The following ADK variants were observed in gnomAD, a reference collection of about 807,000 sequenced individuals.
The protein encoded by ADK is N6,N6-dimethyladenosine kinase.
ADK carries 24 observed loss-of-function variants against 44.7 expected under a neutral mutation model. The observed-to-expected ratio is 0.54, with a 90% CI of 0.39 to 0.76. The LOEUF (loss-of-function observed/expected upper bound fraction) is 0.76, where lower values mean the gene tolerates loss of function less well. Among genes scored for constraint, ADK ranks in the 30% least tolerant of loss-of-function variants. ADK has a pLI of 0.00. For synonymous variants in ADK, 128 were observed against 142.6 expected (o/e 0.90, Z 0.73); for missense variants, 321 against 425.1 (o/e 0.76, Z 2.15).
At chr10:74,472,425 G>T (rs895838476) in intron 6 of ADK, among the ~76,000 whole-genome samples, 1 of 151,948 alleles carries the variant, frequency 6.6e-6, no homozygotes, top group African/African-American at 2.4e-5. Context: ...ATCTAGTTGT[G>T]ATGTCTGATA....
intron 4 of ADK, among the ~76,000 whole-genome samples, chr10:74,372,951 C>G (rs1156351606): frequency 6.6e-6 from 1 of 152,044 alleles, no homozygotes; most frequent in Non-Finnish European, 1.5e-5. Context: ...TATGATGAAG[C>G]CATACCAATA....
At chr10:74,246,973 A>C (rs1845436666) in intron 3 of ADK, among the ~76,000 whole-genome samples, 1 of 151,908 alleles carries the variant, frequency 6.6e-6, no homozygotes, top group African/African-American at 2.4e-5. Flanking sequence ...GTTATATTTT[A>C]ACTTCTAATA....
chr10:74,537,028 T>C (rs1163954927), intron 7 of ADK, among the ~76,000 whole-genome samples: 1 of 152,216 alleles, frequency 6.6e-6, no homozygotes, highest in Non-Finnish European at 1.5e-5. Flanking sequence ...GTGGAACTGT[T>C]GGATCCACAA....
intron 6 of ADK, among the ~76,000 whole-genome samples, chr10:74,519,026 A>G (rs1301672354): frequency 6.6e-6 from 1 of 151,920 alleles, no homozygotes; most frequent in African/African-American, 2.4e-5. Flanking sequence ...AAAATTTTCC[A>G]GGACCCATAT....
chr10:74,677,273 C>T (rs564578322), intron 10 of ADK, among the ~76,000 whole-genome samples: 2 of 152,206 alleles, frequency 1.3e-5, no homozygotes, highest in African/African-American at 4.8e-5. Flanking sequence ...ATTTCATTCT[C>T]TAATTCATGT....
At chr10:74,669,328 A>C (rs1256464839) in intron 9 of ADK, among the ~76,000 whole-genome samples, 2 of 152,184 alleles carry the variant, frequency 1.3e-5, no homozygotes, top group Non-Finnish European at 2.9e-5. Flanking sequence ...ATGCAAATTT[A>C]TGATTTCAGA....
intron 9 of ADK, among the ~76,000 whole-genome samples, chr10:74,636,090 CA>C (rs1001955170): frequency 5.7e-4 from 79 of 139,420 alleles, no homozygotes; most frequent in Admixed American, 6.4e-4. Context: ...GACCCTATCT[CA>C]AAAAAAAAAA....
intron 7 of ADK, among the ~76,000 whole-genome samples, chr10:74,550,802 C>T (rs1850008324): frequency 6.6e-6 from 1 of 152,068 alleles, no homozygotes; most frequent in African/African-American, 2.4e-5. Context: ...TATTAATATT[C>T]ATTTGAATCT....
chr10:74,457,965 A>G (rs756263163), intron 6 of ADK, among the ~76,000 whole-genome samples: 2 of 152,114 alleles, frequency 1.3e-5, no homozygotes, highest in African/African-American at 4.8e-5. Flanking sequence ...GTGTATACCT[A>G]TGTAACAAAC....
At chr10:74,452,175 A>C (rs1768460598) in intron 6 of ADK, among the ~76,000 whole-genome samples, 1 of 152,008 alleles carries the variant, frequency 6.6e-6, no homozygotes, top group African/African-American at 2.4e-5. Context: ...AAAAATATGA[A>C]AGATCTTTTA....
At chr10:74,612,912 A>G (rs1250642278) in intron 9 of ADK, among the ~76,000 whole-genome samples, 1 of 151,644 alleles carries the variant, frequency 6.6e-6, no homozygotes, top group Non-Finnish European at 1.5e-5. Context: ...ATTTTTGTTG[A>G]CTTTGTTTAA....
chr10:74,312,621 C>T (rs1236950781), intron 3 of ADK, among the ~76,000 whole-genome samples: 1 of 151,238 alleles, frequency 6.6e-6, no homozygotes, highest in Non-Finnish European at 1.5e-5. Context: ...TTAATGTTTT[C>T]AGGGGCCTGG....
rs112761714 is a variant in ADK, at chr10:74,173,412, A to T, written c.65+22069A>T. ...CCGGCTAGGTTTTTTCAAATTGAAA[A>T]TTTTTTTTCTTTTTCTTTCTTTTTT... On this transcript the variant is annotated intron_variant, in intron 1 of 10. Transcript: ENST00000539909. Among the ~76,000 whole-genome samples the T allele has an allele frequency of 3.9e-4, 53 of 134,974 alleles. 1 individual carries two copies. The highest frequency in any genetic ancestry group is 1.1e-3 in the African/African-American group (38 of 35,408). 88.5% of individuals were successfully genotyped at this position (134,974 alleles called of 152,430 possible).
chr10:74,697,121 A>G (rs1856237122), intron 10 of ADK, among the ~76,000 whole-genome samples: 1 of 152,234 alleles, frequency 6.6e-6, no homozygotes, highest in Admixed American at 6.5e-5. Context: ...ATGGTGGTCT[A>G]CTATATATAA....
At chr10:74,413,625 G>A (rs1439368795) in intron 6 of ADK, among the ~76,000 whole-genome samples, 1 of 152,228 alleles carries the variant, frequency 6.6e-6, no homozygotes, top group Non-Finnish European at 1.5e-5. Context: ...ATACAGACCA[G>A]TAAAACTTTC....
rs57811130 is a variant in ADK, at chr10:74,525,540, G to A, written c.726+114G>A. ...TTAAATCCTAAATTTTTGTGTAAATGTCCTTGAGAATTGTGCAACAAAATT... is the reference window on the plus strand; with the variant it reads ...TTAAATCCTAAATTTTTGTGTAAATATCCTTGAGAATTGTGCAACAAAATT... On this transcript the variant is annotated intron_variant, in intron 7 of 10. Coordinates refer to ENST00000539909, the MANE Select transcript of ADK (RefSeq NM_006721.4). The A allele has an allele frequency of 0.01, 9,986 of 979,022 alleles. 320 individuals carry two copies. Among genetic ancestry groups the A allele is most frequent in the African/African-American group, 0.091 (5,510 of 60,280 alleles). The allele number at this position is 979,022 out of a possible 1,614,324, so 60.6% of individuals were successfully genotyped here.
chr10:74,652,000 A>G (rs1854290455), intron 9 of ADK, among the ~76,000 whole-genome samples: 2 of 151,364 alleles, frequency 1.3e-5, no homozygotes, highest in Non-Finnish European at 2.9e-5. Flanking sequence ...TTTTTGTTTT[A>G]TTGAGAAGGA....
chr10:74,445,579 T>C (rs1845563921), intron 6 of ADK, among the ~76,000 whole-genome samples: 1 of 152,030 alleles, frequency 6.6e-6, no homozygotes, highest in African/African-American at 2.4e-5. Context: ...TTGGAATGTC[T>C]GTAATAACAA....
At chr10:74,280,415 A>ACACACACAC (rs1846887028) in intron 3 of ADK, among the ~76,000 whole-genome samples, 1 of 144,342 alleles carries the variant, frequency 6.9e-6, no homozygotes, top group Admixed American at 7.0e-5. Context: ...AACAAGTTTA[A>ACACACACAC]ACACACACAC....
Sources: allele counts gnomAD v4.1 joint callset (sites outside exome capture counted in the v4.1 genomes callset), GRCh38; gene constraint gnomAD v4.1.1; transcripts MANE v1.5; gene names NCBI Gene and HGNC (gene_info 2026-07-23, HGNC 2026-07-21).